The following CD55 variants were observed in gnomAD, a reference collection of about 807,000 sequenced individuals.
CD55 encodes complement decay-accelerating factor.
A neutral mutation model predicts 45.8 loss-of-function variants in CD55; 41 were observed. The observed-to-expected ratio is 0.90, with a 90% CI of 0.70 to 1.16. CD55 has a LOEUF of 1.16. Ranked by LOEUF, CD55 falls within the 50% of genes most tolerant of loss-of-function variation. The pLI is 0.00. For missense variants in CD55, 416 were observed against 469.8 expected (o/e 0.89, Z 1.06); for synonymous variants, 181 against 181.1 (o/e 1.00, Z 0.01).
chr1:207,358,255 T>G (rs1328119986), intron 9 of CD55, among the ~76,000 whole-genome samples: 1 of 152,208 alleles, frequency 6.6e-6, no homozygotes, highest in African/African-American at 2.4e-5. Flanking sequence ...GCTAGCCTCC[T>G]GATTTCATAC....
intron 6 of CD55, among the ~76,000 whole-genome samples, chr1:207,335,915 A>G (rs1244343326): frequency 1.3e-5 from 2 of 152,094 alleles, no homozygotes; most frequent in Non-Finnish European, 2.9e-5. Context: ...TCCTCATTTT[A>G]CAGATGAGGA....
intron 9 of CD55, among the ~76,000 whole-genome samples, chr1:207,352,244 TTGTGGGG>T (rs1362371460): frequency 6.9e-6 from 1 of 145,676 alleles, no homozygotes; most frequent in Non-Finnish European, 1.5e-5. Flanking sequence ...CAATTTTTTT[TTGTGGGG>T]GGTGGGGGGT....
At chr1:207,350,871 A>T (rs978105421) in intron 9 of CD55, among the ~76,000 whole-genome samples, 5 of 150,568 alleles carry the variant, frequency 3.3e-5, no homozygotes, top group Non-Finnish European at 5.9e-5. Context: ...GATTTTGGTT[A>T]TTTTTTTTCT....
chr1:207,340,738 G>A (rs905688451), intron 9 of CD55: 8 of 465,448 alleles, frequency 1.7e-5, no homozygotes, highest in Non-Finnish European at 2.7e-5. Flanking sequence ...ATTGTGAATA[G>A]TGCTTCAATA....
At chr1:207,341,008 C>G (rs1162358235) in intron 9 of CD55, among the ~76,000 whole-genome samples, 1 of 152,140 alleles carries the variant, frequency 6.6e-6, no homozygotes, top group African/African-American at 2.4e-5. Context: ...GAACTGATAG[C>G]TCATTGTGGA....
intron 9 of CD55, among the ~76,000 whole-genome samples, chr1:207,355,068 A>G (rs980596086): frequency 2.0e-5 from 3 of 152,232 alleles, no homozygotes; most frequent in African/African-American, 7.2e-5. Flanking sequence ...TCTCTAAGTT[A>G]ATGATACAAT....
intron 9 of CD55, among the ~76,000 whole-genome samples, chr1:207,350,641 T>C (rs1223734910): frequency 1.3e-5 from 2 of 152,192 alleles, no homozygotes; most frequent in Admixed American, 6.5e-5. Flanking sequence ...TTTATGTACA[T>C]AGAGGTGTTC....
chr1:207,334,893 A>T (rs1299167172), intron 6 of CD55, among the ~76,000 whole-genome samples: 1 of 92,648 alleles, frequency 1.1e-5, no homozygotes, highest in African/African-American at 4.0e-5. Flanking sequence ...AAAGATTTTA[A>T]AAAGAACCTA....
At chr1:207,357,435 T>G (rs1326367465) in intron 9 of CD55, among the ~76,000 whole-genome samples, 3 of 152,158 alleles carry the variant, frequency 2.0e-5, no homozygotes, top group African/African-American at 4.8e-5. Context: ...TTCTTGTACT[T>G]GTTCCAACTT....
intron 9 of CD55, among the ~76,000 whole-genome samples, chr1:207,353,695 G>A (rs1655975297): frequency 6.6e-6 from 1 of 151,956 alleles, no homozygotes; most frequent in South Asian, 2.1e-4. Context: ...GGAAGTATGT[G>A]AATTTCCCTT....
chr1:207,330,106 T>C (rs1253503627), intron 5 of CD55, among the ~76,000 whole-genome samples: 2 of 152,150 alleles, frequency 1.3e-5, no homozygotes, highest in African/African-American at 4.8e-5. Flanking sequence ...TATAAAAAAA[T>C]GCCTGGCGTG....
intron 6 of CD55, among the ~76,000 whole-genome samples, chr1:207,335,565 A>G (rs1291882533): frequency 6.6e-6 from 1 of 152,230 alleles, no homozygotes; most frequent in Non-Finnish European, 1.5e-5. Context: ...ATAATTTAGA[A>G]TAGTTTTTAT....
chr1:207,358,784 C>T (rs1035495492), intron 9 of CD55, among the ~76,000 whole-genome samples: 19 of 151,516 alleles, frequency 1.3e-4, no homozygotes, highest in African/African-American at 4.1e-4. Flanking sequence ...TTGAATCTCT[C>T]ATTACTATGA....
chr1:207,349,001 G>T (rs537915908), intron 9 of CD55, among the ~76,000 whole-genome samples: 1 of 152,184 alleles, frequency 6.6e-6, no homozygotes, highest in South Asian at 2.1e-4. Flanking sequence ...GTAGTGTGAT[G>T]CTTCCAGCTT....
chr1:207,348,362 G>T (rs1205021980), intron 9 of CD55, among the ~76,000 whole-genome samples: 1 of 152,076 alleles, frequency 6.6e-6, no homozygotes, highest in Non-Finnish European at 1.5e-5. Context: ...CCTCATGTAT[G>T]TCTTCTTTTG....
At chr1:207,328,966 A>C (rs899148203) in intron 5 of CD55, among the ~76,000 whole-genome samples, 4 of 152,202 alleles carry the variant, frequency 2.6e-5, no homozygotes, top group African/African-American at 9.7e-5. Flanking sequence ...TCTCTGGTGC[A>C]CATAAGCGGA....
At chr1:207,352,660 G>A (rs939337649) in intron 9 of CD55, among the ~76,000 whole-genome samples, 2 of 152,088 alleles carry the variant, frequency 1.3e-5, no homozygotes, top group African/African-American at 4.8e-5. Flanking sequence ...AGTATTTGAA[G>A]CTTAATGTGA....
chr1:207,334,468 T>G (rs1655082771), intron 6 of CD55, among the ~76,000 whole-genome samples: 1 of 152,062 alleles, frequency 6.6e-6, no homozygotes, highest in Non-Finnish European at 1.5e-5. Flanking sequence ...CAAGGATAAA[T>G]GAATACTGAG....
intron 6 of CD55, 123 bp from the exon 7 acceptor site, chr1:207,336,570 G>C: frequency 1.7e-6 from 2 of 1,153,230 alleles, no homozygotes; most frequent in Non-Finnish European, 2.5e-6. Context: ...TTGGTTTCCT[G>C]AAAGTCATAC....
Sources: gnomAD v4.1 joint callset for allele counts (sites outside exome capture counted in the v4.1 genomes callset) on GRCh38, gnomAD v4.1.1 for gene constraint, MANE v1.5 for transcripts, NCBI Gene and HGNC (gene_info 2026-07-23, HGNC 2026-07-21) for gene names.